The following TARBP1 variants were observed in gnomAD, a reference collection of about 807,000 sequenced individuals.
TARBP1 encodes tRNA (guanosine(18)-2'-O)-methyltransferase TARBP1.
A neutral mutation model predicts 178.6 loss-of-function variants in TARBP1; 144 were observed. The observed-to-expected ratio is 0.81, with a 90% CI of 0.70 to 0.93. The LOEUF is 0.93. Ranked by LOEUF, TARBP1 falls within the 40% of genes least tolerant of loss-of-function variation. TARBP1 has a pLI of 0.00. For synonymous variants in TARBP1, 787 were observed against 781.0 expected, an observed-to-expected ratio of 1.01 and a Z score of -0.13; for missense variants, 2,067 against 2,011.7, an observed-to-expected ratio of 1.03 and a Z score of -0.53.
rs112317061 is a variant in TARBP1 at position 234,460,622 on chromosome 1, G to A, written c.1400-226C>T. Among the ~76,000 whole-genome samples, 244 of 152,222 alleles carry A rather than the reference G, an allele frequency of 1.6e-3. 3 individuals carry two copies. The highest frequency in any genetic ancestry group is 5.7e-3 in the African/African-American group (236 of 41,542). On this transcript the variant is annotated intron_variant, in intron 6 of 29. Transcript: ENST00000040877. ...GGTGGGAATGTAAAACGGTGCAGCC[G>A]CTGTGGAAAAAAATATGGCAGTTCC...
chr1:234,463,751 G>C (rs975660333), intron 6 of TARBP1, 86 bp downstream of exon 6: 1 of 626,052 alleles, frequency 1.6e-6, no homozygotes, highest in East Asian at 3.2e-5. Context: ...TATTATAATA[G>C]TTGATGGTGC....
rs759128300 is a variant in TARBP1 at position 234,437,370 on chromosome 1, C to G, written c.2137G>C (p.Glu713Gln). 1.3e-6 allele frequency: 2 copies of G among 1,538,734 alleles called. No homozygotes were observed. The highest frequency in any genetic ancestry group is 1.3e-5 in the South Asian group (1 of 78,314). Residue 713 changes from glutamate (E) to glutamine (Q), a missense_variant and splice_region_variant, in exon 13 of 30, where the codon GAG becomes CAG. Coordinates refer to ENST00000040877, the MANE Select transcript of TARBP1 (RefSeq NM_005646.4). ...AAGTTCTGAAGAACAGTAGACACCT[C>G]ATCTGTATGGGGGCAAAAAGCATGC... ...RLKGSSAQDD[E>Q]VSTVLQNFFM...
Position 234,393,336 on chromosome 1 carries a change from TTAATAA to T in TARBP1, c.4560+20_4560+25del. On this transcript the variant is annotated intron_variant, in intron 28 of 29. Transcript: ENST00000040877. ...CATGTGCGGGCTTGTTTTAAGAACT[TTAATAA>T]TAAATTACTTTCCACCCACCTCCAC... 1.4e-6 allele frequency: 2 copies of T among 1,465,314 alleles called. No homozygotes were observed. The highest frequency in any genetic ancestry group is 1.8e-6 in the Non-Finnish European group (2 of 1,098,662). The allele number at this position is 1,465,314 out of a possible 1,614,324, so 90.8% of individuals were successfully genotyped here. A position where few individuals can be genotyped will look rare whatever the true frequency, so the allele number is the denominator to read the frequency against.
intron 24 of TARBP1, among the ~76,000 whole-genome samples, chr1:234,403,887 C>G (rs1429004980): frequency 1.3e-5 from 2 of 152,104 alleles, no homozygotes; most frequent in East Asian, 3.9e-4. Context: ...AGGGTTTCAC[C>G]ATGTTGGTCA....
chr1:234,412,267 C>A (rs1661901935), intron 22 of TARBP1, among the ~76,000 whole-genome samples: 1 of 151,952 alleles, frequency 6.6e-6, no homozygotes, highest in African/African-American at 2.4e-5. Context: ...ACTAAAAATA[C>A]AAAAATTAGC....
intron 9 of TARBP1, among the ~76,000 whole-genome samples, chr1:234,452,225 G>A (rs4920248): frequency 0.3 from 44,903 of 151,942 alleles, 6,821 homozygotes; most frequent in Admixed American, 0.4. Context: ...AGGTTCCCTT[G>A]ATTCCCCATT....
At position 234,438,794 on chromosome 1, in the gene TARBP1, A is replaced by G. The variant is rs188397824; in HGVS notation, c.2135-1422T>C. 1.8e-3 allele frequency among the ~76,000 whole-genome samples: 271 copies of G among 152,378 alleles called. 1 individual carries two copies. Among genetic ancestry groups the G allele is most frequent in the Non-Finnish European group, 3.1e-3 (213 of 68,032 alleles). ...TAAACCTACAGATTCAAGAAGTTTC[A>G]GGGAAATCTAAAAGGATACATCCAA... On this transcript the variant is annotated intron_variant, in intron 12 of 29. Coordinates refer to ENST00000040877, the MANE Select transcript of TARBP1 (RefSeq NM_005646.4).
In TARBP1 at chr1:234,429,341, A is replaced by AAAT; in HGVS notation, c.2872-20_2872-18dup. The AAAT allele has an allele frequency of 6.4e-7, 1 of 1,568,258 alleles. No homozygotes were observed. The highest frequency in any genetic ancestry group is 1.4e-5 in the African/African-American group (1 of 72,322). ...AGTCAGAAGCTGGTAGGAAAAAAAA[A>AAAT]AATACATACTTATTTCAAAAACTTG... is the stretch of plus-strand genomic sequence containing the variant. On this transcript the variant is annotated splice_polypyrimidine_tract_variant and intron_variant, in intron 16 of 29. Transcript: ENST00000040877.
At chr1:234,403,078 T>C (rs1660861859) in intron 24 of TARBP1, among the ~76,000 whole-genome samples, 1 of 152,208 alleles carries the variant, frequency 6.6e-6, no homozygotes, top group Non-Finnish European at 1.5e-5. Flanking sequence ...ACCTCCGATC[T>C]GCTCTTCACA....
intron 26 of TARBP1, among the ~76,000 whole-genome samples, chr1:234,395,499 A>G (rs1338390772): frequency 6.6e-6 from 1 of 152,208 alleles, no homozygotes; most frequent in African/African-American, 2.4e-5. Flanking sequence ...GAGCAAAAAC[A>G]GGACAAGAAC....
At position 234,410,491 on chromosome 1, in the gene TARBP1, G is replaced by A; in HGVS notation, c.3746C>T (p.Ala1249Val). 1 of 1,527,306 alleles carries A rather than the reference G, an allele frequency of 6.5e-7. No individual in the cohort carries two copies. Among genetic ancestry groups the A allele is most frequent in the Non-Finnish European group, 9.0e-7 (1 of 1,112,942 alleles). 94.6% of individuals were successfully genotyped at this position (1,527,306 alleles called of 1,614,324 possible). The change falls in exon 23 of 30, where the codon GCA (alanine) becomes GTA (valine). Residue 1249 changes from alanine (A) to valine (V), a missense_variant. Physicochemically the swap from Ala to Val is moderately conservative, Grantham distance 64. Transcript: ENST00000040877. ...AATAATGTCTAAATGTGATAAAACT[G>A]CTAAAAACGTACAAATGCTTGTTTT... Reference protein sequence around the residue: ...NLKTSICTFLAVLSHLDIITQ... With the variant: ...NLKTSICTFLVVLSHLDIITQ...
intron 4 of TARBP1, 92 bp from the exon 5 acceptor site, chr1:234,465,800 G>T: frequency 2.6e-6 from 3 of 1,176,144 alleles, no homozygotes; most frequent in Non-Finnish European, 3.5e-6. Flanking sequence ...TCCTACACAG[G>T]CTTACAGAAG....
At position 234,479,027 on chromosome 1, in the gene TARBP1, C is replaced by T. The variant is rs757167488; in HGVS notation, c.77G>A (p.Gly26Glu). ...CTCCACGCGCTCCGCGGATGCCTCC[C>T]CTTGGCACAGCGCCCCAAGCAGGGC... The part of the protein sequence containing the change: ...PRALLGALCQ[G>E]EASAERVETL... The change falls in exon 1 of 30, where the codon GGG (glycine) becomes GAG (glutamate). Residue 26 changes from glycine to glutamate, a missense_variant. Transcript: ENST00000040877. The T allele has an allele frequency of 9.1e-6, 14 of 1,532,274 alleles. No homozygotes were observed. Among genetic ancestry groups the T allele is most frequent in the African/African-American group, 5.7e-5 (4 of 70,022 alleles). 94.9% of individuals were successfully genotyped at this position (1,532,274 alleles called of 1,614,324 possible).
At chr1:234,405,786 C>T in intron 24 of TARBP1, 117 bp downstream of exon 24, 1 of 989,858 alleles carries the variant, frequency 1.0e-6, no homozygotes, top group Non-Finnish European at 1.5e-6. Context: ...CCTCGATGCT[C>T]CAGGACGGCA....
chr1:234,429,764 TGGGGGG>T, intron 15 of TARBP1, 87 bp from the exon 16 acceptor site: 6 of 822,936 alleles, frequency 7.3e-6, no homozygotes, highest in Non-Finnish European at 1.1e-5. Context: ...TTTCTAAAGG[TGGGGGG>T]GGGGGGGCAG....
chr1:234,420,856 A>G, intron 20 of TARBP1, 44 bp from the exon 21 acceptor site: 1 of 1,171,056 alleles, frequency 8.5e-7, no homozygotes. Context: ...TTATCTATTG[A>G]ATTTGTGATT....
chr1:234,411,294 T>C (rs1661794139), intron 22 of TARBP1, among the ~76,000 whole-genome samples: 1 of 152,328 alleles, frequency 6.6e-6, no homozygotes, highest in Non-Finnish European at 1.5e-5. Flanking sequence ...TATGGGAGGA[T>C]ACACATCAGT....
At chr1:234,424,253 T>C (rs1663452441) in intron 20 of TARBP1, among the ~76,000 whole-genome samples, 1 of 152,210 alleles carries the variant, frequency 6.6e-6, no homozygotes, top group African/African-American at 2.4e-5. Context: ...GACAGGTAAC[T>C]GTATCTGTCA....
chr1:234,435,921 GAGTC>G (rs1162545882), intron 13 of TARBP1, among the ~76,000 whole-genome samples: 3 of 152,150 alleles, frequency 2.0e-5, no homozygotes, highest in African/African-American at 7.2e-5. Context: ...TTCCCCTAGA[GAGTC>G]AGTCATTAAA....
Sources: gnomAD v4.1 joint callset for allele counts (sites outside exome capture counted in the v4.1 genomes callset) on GRCh38, gnomAD v4.1.1 for gene constraint, MANE v1.5 for transcripts, NCBI Gene and HGNC (gene_info 2026-07-23, HGNC 2026-07-21) for gene names.